The following ZFYVE28 variants were observed in gnomAD, a reference collection of about 807,000 sequenced individuals.
The protein encoded by ZFYVE28 is zinc finger FYVE-type containing 28.
In ZFYVE28, 40 loss-of-function variants were observed where a neutral mutation model predicts 82.1. The ratio of observed to expected loss-of-function variants is 0.49; its 90% confidence interval spans 0.38 to 0.63. The LOEUF (loss-of-function observed/expected upper bound fraction) is 0.63. Among genes scored for constraint, ZFYVE28 ranks in the 30% least tolerant of loss-of-function variants. The pLI, the probability that ZFYVE28 is intolerant of heterozygous loss-of-function variation, is 0.00. For missense variants in ZFYVE28, 1,321 were observed against 1,242.1 expected (o/e 1.06, Z -0.96); for synonymous variants, 612 against 546.1 (o/e 1.12, Z -1.68).
Position 2,305,583 on chromosome 4 carries a change from C to T in ZFYVE28, c.804-47G>A, listed in dbSNP as rs763061171. The T allele has an allele frequency of 6.8e-6, 11 of 1,609,292 alleles. No individual in the cohort carries two copies. The Admixed American group carries it at 8.4e-5, about 12-fold the overall frequency. On this transcript the variant is annotated intron_variant, in intron 7 of 12. Coordinates refer to ENST00000290974, the MANE Select transcript of ZFYVE28 (RefSeq NM_020972.3). ...AAGGGTGAGGGTCCCAAAAGCCACACCAGCCTCCTTGGCCAGGAGTGGACG... is the reference window on the plus strand; with the variant it reads ...AAGGGTGAGGGTCCCAAAAGCCACATCAGCCTCCTTGGCCAGGAGTGGACG...
intron 8 of ZFYVE28, among the ~76,000 whole-genome samples, chr4:2,284,681 C>A (rs1712460369): frequency 6.6e-6 from 1 of 152,296 alleles, no homozygotes; most frequent in East Asian, 1.9e-4. Flanking sequence ...TGGTGCCTCA[C>A]AAAGACCTCC....
intron 1 of ZFYVE28, among the ~76,000 whole-genome samples, chr4:2,393,782 G>A (rs754239065): frequency 2.0e-5 from 3 of 152,166 alleles, no homozygotes; most frequent in Non-Finnish European, 4.4e-5. Context: ...ATTGGGGGAC[G>A]GACTTCCGGG....
chr4:2,387,222 C>G (rs1428318056), intron 1 of ZFYVE28, among the ~76,000 whole-genome samples: 1 of 152,188 alleles, frequency 6.6e-6, no homozygotes, highest in Non-Finnish European at 1.5e-5. Context: ...ACTGGGAACC[C>G]GGAAGCACAG....
Position 2,394,046 on chromosome 4 carries a change from G to A in ZFYVE28, c.39+24239C>T, listed in dbSNP as rs767692673. ...TTTCCAGCTTGCACAGCTACTTCCC[G>A]ACGCACGGCCGCCTCCCGGACCTTC... On this transcript the variant is annotated intron_variant, in intron 1 of 12. Transcript: ENST00000290974. This position sits in a 1 kb window ranked among gnomAD's most constrained non-coding sequence, Gnocchi z 4.0. Among the ~76,000 whole-genome samples, 4 of 152,088 alleles carry A rather than the reference G, an allele frequency of 2.6e-5. No homozygotes were observed. Among genetic ancestry groups the A allele is most frequent in the African/African-American group, 7.2e-5 (3 of 41,422 alleles).
intron 1 of ZFYVE28, among the ~76,000 whole-genome samples, chr4:2,402,634 G>C (rs752451403): frequency 2.0e-5 from 3 of 152,184 alleles, no homozygotes; most frequent in Admixed American, 6.5e-5. Context: ...CAGGGAACGC[G>C]GTAGACAGTC....
At chr4:2,311,499 C>G (rs1313319499) in intron 7 of ZFYVE28, among the ~76,000 whole-genome samples, 1 of 152,174 alleles carries the variant, frequency 6.6e-6, no homozygotes, top group Non-Finnish European at 1.5e-5. Flanking sequence ...GTACTCCAGC[C>G]TGGGTGACAG....
Position 2,305,361 on chromosome 4 carries a change from G to T in ZFYVE28, c.979C>A (p.Pro327Thr). The change falls in exon 8 of 13, where the codon CCG becomes ACG. Residue 327 changes from proline (P) to threonine (T), a missense_variant. Transcript: ENST00000290974. ...ATGGAGCAGGCCAGCTCTGCATCCGGGTCTTTGGCCTTAGCTGAGAGTGGC... is the reference window on the plus strand; with the variant it reads ...ATGGAGCAGGCCAGCTCTGCATCCGTGTCTTTGGCCTTAGCTGAGAGTGGC... ...EGPLSAKAKDPDAELACSMQY... is the reference protein window; with the variant it reads ...EGPLSAKAKDTDAELACSMQY... 6.2e-7 allele frequency: 1 copy of T among 1,612,738 alleles called. No individual in the cohort carries two copies. Among genetic ancestry groups the T allele is most frequent in the Non-Finnish European group, 8.5e-7 (1 of 1,179,740 alleles).
At chr4:2,303,026 G>A (rs1715830416) in intron 8 of ZFYVE28, among the ~76,000 whole-genome samples, 1 of 152,228 alleles carries the variant, frequency 6.6e-6, no homozygotes, top group Non-Finnish European at 1.5e-5. Flanking sequence ...GTGTTAACAG[G>A]AAATGTCCAG....
At chr4:2,349,533 A>C (rs1308923467) in intron 2 of ZFYVE28, among the ~76,000 whole-genome samples, 2 of 152,188 alleles carry the variant, frequency 1.3e-5, no homozygotes. Context: ...AAAAAATAAA[A>C]TAAATTAAAA....
At chr4:2,414,443 A>T (rs1732828978) in intron 1 of ZFYVE28, among the ~76,000 whole-genome samples, 1 of 152,132 alleles carries the variant, frequency 6.6e-6, no homozygotes, top group Admixed American at 6.5e-5. Context: ...AATACACATC[A>T]CTCAGTAAGG....
At chr4:2,369,579 C>T (rs1366375974) in intron 1 of ZFYVE28, among the ~76,000 whole-genome samples, 1 of 152,082 alleles carries the variant, frequency 6.6e-6, no homozygotes, top group African/African-American at 2.4e-5. Flanking sequence ...CTGAGACCAT[C>T]CTGGACTCTC....
chr4:2,362,545 G>T lies in ZFYVE28; in HGVS notation c.40-8472C>A, dbSNP rs374773044. 3.3e-5 allele frequency among the ~76,000 whole-genome samples: 5 copies of T among 152,054 alleles called. No individual in the cohort carries two copies. In the East Asian group the frequency reaches 9.7e-4, roughly 30 times the overall value. On this transcript the variant is annotated intron_variant, in intron 1 of 12. Coordinates refer to ENST00000290974, the MANE Select transcript of ZFYVE28 (RefSeq NM_020972.3). The surrounding 1 kb of genome is among the most constrained non-coding windows in gnomAD (Gnocchi z 5.1). ...CCCAACCCCTCCTGTCCGCACTGAG[G>T]CCAGACGTCCATGGGCAGCCATGAC...
chr4:2,389,891 A>T (rs559728006), intron 1 of ZFYVE28, among the ~76,000 whole-genome samples: 5 of 152,186 alleles, frequency 3.3e-5, no homozygotes, highest in African/African-American at 1.2e-4. Flanking sequence ...GCGTCCCCTC[A>T]CGGCATCCCC....
chr4:2,364,805 T>C, intron 1 of ZFYVE28: 1 of 985,518 alleles, frequency 1.0e-6, no homozygotes, highest in Non-Finnish European at 1.2e-6. Context: ...AGCGGGTGAC[T>C]GGGAATGGCG....
At chr4:2,403,089 CT>C (rs146498082) in intron 1 of ZFYVE28, among the ~76,000 whole-genome samples, 88 of 152,386 alleles carry the variant, frequency 5.8e-4, no homozygotes, top group African/African-American at 2.0e-3. Flanking sequence ...AATACAGGTC[CT>C]TTCCCCGTGG....
At chr4:2,364,231 C>T (rs1156676688) in intron 1 of ZFYVE28, among the ~76,000 whole-genome samples, 1 of 152,196 alleles carries the variant, frequency 6.6e-6, no homozygotes, top group African/African-American at 2.4e-5. Context: ...TCTGCCCACC[C>T]GGCCTGGCTG....
At chr4:2,318,438 A>G (rs1185177823) in intron 7 of ZFYVE28, among the ~76,000 whole-genome samples, 1 of 152,148 alleles carries the variant, frequency 6.6e-6, no homozygotes, top group Admixed American at 6.5e-5. Context: ...TACACCCGTA[A>G]TCCCAGCTAC....
At chr4:2,316,892 C>T (rs760732809) in intron 7 of ZFYVE28, among the ~76,000 whole-genome samples, 10 of 151,842 alleles carry the variant, frequency 6.6e-5, no homozygotes, top group Non-Finnish European at 1.5e-4. Flanking sequence ...TGGGGTTTCA[C>T]TGTGTTAGCC....
Position 2,354,023 on chromosome 4 carries a change from C to G in ZFYVE28, c.90G>C (p.Leu30=). Residue 30 remains leucine (L), a synonymous_variant, in exon 2 of 13, where the codon CTG becomes CTC. Transcript: ENST00000290974. ...TGTCCAGCTCCGCGGCCACCTGGTT[C>G]AGCTCCTCGTCGGCATAGTAGAACC... ...LARFYYADEE[L]NQVAAELDSL... 6.3e-7 allele frequency: 1 copy of G among 1,578,836 alleles called. No individual in the cohort carries two copies. Among genetic ancestry groups the G allele is most frequent in the South Asian group, 1.2e-5 (1 of 85,680 alleles).
Sources: allele counts gnomAD v4.1 joint callset (sites outside exome capture counted in the v4.1 genomes callset), GRCh38; gene constraint gnomAD v4.1.1; non-coding constraint Gnocchi (gnomAD v3.1); transcripts MANE v1.5; gene names NCBI Gene and HGNC (gene_info 2026-07-23, HGNC 2026-07-21).